EPB41L5: variants seen among roughly 807,000 people sequenced by gnomAD.
EPB41L5 encodes the protein band 4.1-like protein 5.
In EPB41L5, 55 loss-of-function variants were observed where a neutral mutation model predicts 106.6. That is an observed-to-expected ratio of 0.52 (90% CI 0.42 to 0.65). The LOEUF (loss-of-function observed/expected upper bound fraction) is 0.65. Ranked by LOEUF, EPB41L5 falls within the 30% of genes least tolerant of loss-of-function variation. The probability of loss-of-function intolerance (pLI) is 0.00; values close to 1 mark genes in which losing one functional copy is unlikely to be tolerated. For synonymous variants in EPB41L5, 297 were observed against 306.7 expected, an observed-to-expected ratio of 0.97 and a Z score of 0.33; for missense variants, 871 against 882.1, an observed-to-expected ratio of 0.99 and a Z score of 0.16.
At chr2:120,134,578 C>T (rs1432650943) in intron 18 of EPB41L5, among the ~76,000 whole-genome samples, 1 of 152,186 alleles carries the variant, frequency 6.6e-6, no homozygotes, top group Non-Finnish European at 1.5e-5. Context: ...CCTCCCCCAA[C>T]TGCATGCAGC....
chr2:120,034,670 AAAAACAAAAC>A (rs1197459335), intron 2 of EPB41L5, among the ~76,000 whole-genome samples: 2 of 151,976 alleles, frequency 1.3e-5, no homozygotes, highest in Non-Finnish European at 2.9e-5. Flanking sequence ...AAAACCCTGT[AAAAACAAAAC>A]AAAACAAAAC....
rs114504498 is a variant in EPB41L5 at position 120,015,952 on chromosome 2, A to G, written c.-9+2742A>G. On this transcript the variant is annotated intron_variant, in intron 1 of 24. Coordinates refer to ENST00000263713, the MANE Select transcript of EPB41L5 (RefSeq NM_020909.4). ...CATAAAAATAAAACAACTGTATTGT[A>G]TGCTGTTGTGTGTACCATAACTTGT... 5.9e-3 allele frequency among the ~76,000 whole-genome samples: 893 copies of G among 151,692 alleles called. 8 individuals are homozygous for G. The highest frequency in any genetic ancestry group is 0.021 in the African/African-American group (854 of 41,402).
At chr2:120,111,135 C>A (rs2105427184) in intron 16 of EPB41L5, among the ~76,000 whole-genome samples, 1 of 151,958 alleles carries the variant, frequency 6.6e-6, no homozygotes, top group South Asian at 2.1e-4. Flanking sequence ...ACATTTAGTC[C>A]CCTTCAGCCT....
At chr2:120,063,694 C>T (rs1681241196) in intron 3 of EPB41L5, among the ~76,000 whole-genome samples, 2 of 152,140 alleles carry the variant, frequency 1.3e-5, no homozygotes, top group African/African-American at 4.8e-5. Flanking sequence ...GCCTGTAATC[C>T]CAATACTTTG....
At chr2:120,095,167 T>C (rs997009219) in intron 14 of EPB41L5, among the ~76,000 whole-genome samples, 8 of 152,200 alleles carry the variant, frequency 5.3e-5, no homozygotes, top group Non-Finnish European at 1.0e-4. Flanking sequence ...CCTTCAGTTC[T>C]TTCTGTTTTT....
At position 120,045,811 on chromosome 2, in the gene EPB41L5, C is replaced by T. The variant is rs1172284311; in HGVS notation, c.285+3701C>T. ...GGTATATCTCCTAATGCTATCCCTC[C>T]CCCGTCCCCCCCTCAATGACAGGCC... On this transcript the variant is annotated intron_variant, in intron 3 of 24. Transcript: ENST00000263713. 2.0e-5 allele frequency among the ~76,000 whole-genome samples: 3 copies of T among 151,258 alleles called. No homozygotes were observed. The East Asian group carries it at 5.8e-4, about 29-fold the overall frequency.
At chr2:120,167,323 C>T (rs1252862823) in intron 22 of EPB41L5, 143 bp from the exon 23 acceptor site, 4 of 633,032 alleles carry the variant, frequency 6.3e-6, no homozygotes, top group Non-Finnish European at 8.3e-6. Context: ...ATTTAGAAGT[C>T]CATGTCAGCT....
At chr2:120,023,391 T>C (rs1401418171) in intron 2 of EPB41L5, among the ~76,000 whole-genome samples, 2 of 152,236 alleles carry the variant, frequency 1.3e-5, no homozygotes, top group Admixed American at 6.5e-5. Flanking sequence ...AGTTTCAGTT[T>C]TCTGCATATG....
Position 120,127,865 on chromosome 2 carries a change from C to A in EPB41L5, c.1501+14C>A, listed in dbSNP as rs1002008130. The A allele has an allele frequency of 1.3e-6, 2 of 1,582,030 alleles. No individual in the cohort carries two copies. Among genetic ancestry groups the A allele is most frequent in the African/African-American group, 1.3e-5 (1 of 74,478 alleles). On this transcript the variant is annotated intron_variant, in intron 17 of 24. Coordinates refer to ENST00000263713, the MANE Select transcript of EPB41L5 (RefSeq NM_020909.4). ...TTGAATATGAGAGTAAGTAAATGTT[C>A]CATTATACATCAGTGATACCTTTTT...
At chr2:120,137,097 A>G (rs1351636425) in intron 18 of EPB41L5, among the ~76,000 whole-genome samples, 4 of 152,136 alleles carry the variant, frequency 2.6e-5, no homozygotes, top group African/African-American at 9.6e-5. Context: ...CCACATGGAA[A>G]TCAAACAATA....
intron 20 of EPB41L5, among the ~76,000 whole-genome samples, chr2:120,149,007 C>T (rs767518294): frequency 2.1e-4 from 32 of 152,128 alleles, no homozygotes; most frequent in Non-Finnish European, 4.1e-4. Context: ...CCAATTTCTC[C>T]GTGTCATTGA....
At position 120,100,816 on chromosome 2, in the gene EPB41L5, TTTG is replaced by T; in HGVS notation, c.1337+5_1337+7del. 1 of 1,569,038 alleles carries T rather than the reference TTTG, an allele frequency of 6.4e-7. No individual in the cohort carries two copies. Among genetic ancestry groups the T allele is most frequent in the Non-Finnish European group, 8.7e-7 (1 of 1,148,288 alleles). ...AACAGACCAGCATGACAGGAAATGG[TTTG>T]TTAATTCCTTAAACTAAAATAAAAT... On this transcript the variant is annotated splice_donor_5th_base_variant and intron_variant, in intron 16 of 24. Coordinates refer to ENST00000263713, the MANE Select transcript of EPB41L5 (RefSeq NM_020909.4).
intron 16 of EPB41L5, chr2:120,106,474 T>A (rs1273639455): frequency 1.0e-6 from 1 of 985,144 alleles, no homozygotes; most frequent in Non-Finnish European, 1.2e-6. Flanking sequence ...CTATTTACAC[T>A]CTACATTTTA....
Position 120,150,491 on chromosome 2 carries a change from TA to T in EPB41L5, c.1793+4213del, listed in dbSNP as rs888765071. Among the ~76,000 whole-genome samples, 1,403 of 146,360 alleles carry T rather than the reference TA, an allele frequency of 9.6e-3. 21 individuals carry two copies. Among genetic ancestry groups the T allele is most frequent in the African/African-American group, 0.033 (1,321 of 40,126 alleles). Reference sequence around the variant, plus strand: ...CACACACCACCCTGCCCAGCTAATTTAAAAAAAAAAAGTTTATTTTATTTTA... The same window carrying T: ...CACACACCACCCTGCCCAGCTAATTTAAAAAAAAAAGTTTATTTTATTTTA... On this transcript the variant is annotated intron_variant, in intron 20 of 24. Transcript: ENST00000263713.
intron 3 of EPB41L5, among the ~76,000 whole-genome samples, chr2:120,051,291 G>A (rs1194949233): frequency 1.3e-5 from 2 of 152,156 alleles, no homozygotes; most frequent in African/African-American, 4.8e-5. Flanking sequence ...CTTGAGCTGC[G>A]GTGGGCTCCA....
In EPB41L5 at chr2:120,090,524, T is replaced by G; in HGVS notation, c.1043+8T>G. ...ATCACGATTTAGATATAGGTTAATT[T>G]TAATTGCTGTTTTATCTGTCTTTCA... On this transcript the variant is annotated splice_region_variant and intron_variant, in intron 12 of 24. Coordinates refer to ENST00000263713, the MANE Select transcript of EPB41L5 (RefSeq NM_020909.4). 6.2e-7 allele frequency: 1 copy of G among 1,605,078 alleles called. No individual in the cohort carries two copies. Among genetic ancestry groups the G allele is most frequent in the Non-Finnish European group, 8.5e-7 (1 of 1,176,712 alleles).
chr2:120,041,263 T>C (rs372658214), intron 2 of EPB41L5, among the ~76,000 whole-genome samples: 2 of 152,326 alleles, frequency 1.3e-5, no homozygotes, highest in East Asian at 1.9e-4. Flanking sequence ...GATTCTCTTA[T>C]CTGCTTCCAC....
At chr2:120,049,602 G>C (rs1283296375) in intron 3 of EPB41L5, among the ~76,000 whole-genome samples, 1 of 152,070 alleles carries the variant, frequency 6.6e-6, no homozygotes. Flanking sequence ...ACACTGGGGG[G>C]TCTTGACTCT....
intron 3 of EPB41L5, among the ~76,000 whole-genome samples, 190 bp from the exon 4 acceptor site, chr2:120,072,988 G>A (rs1201481165): frequency 6.6e-6 from 1 of 151,208 alleles, no homozygotes; most frequent in East Asian, 1.9e-4. Context: ...TGTGTCATAA[G>A]CTTGCTATGG....
Sources: gnomAD v4.1 joint callset for allele counts (sites outside exome capture counted in the v4.1 genomes callset) on GRCh38, gnomAD v4.1.1 for gene constraint, MANE v1.5 for transcripts, NCBI Gene and HGNC (gene_info 2026-07-23, HGNC 2026-07-21) for gene names.